The following PACC1 variants were observed in gnomAD, a reference collection of about 807,000 sequenced individuals.
PACC1 encodes proton activated chloride channel 1.
Under a neutral mutation model 39.7 loss-of-function variants are expected in PACC1, and 34 were observed. The ratio of observed to expected loss-of-function variants is 0.86; its 90% CI spans 0.65 to 1.14. The LOEUF (loss-of-function observed/expected upper bound fraction) is 1.14. Among genes scored for constraint, PACC1 ranks in the 50% most tolerant of loss-of-function variants. PACC1 has a pLI of 0.00. For missense variants in PACC1, 379 were observed against 436.4 expected (o/e 0.87, Z 1.17); for synonymous variants, 127 against 160.6 (o/e 0.79, Z 1.58).
At chr1:212,370,586 A>G (rs1316779763) in intron 7 of PACC1, among the ~76,000 whole-genome samples, 1 of 152,282 alleles carries the variant, frequency 6.6e-6, no homozygotes, top group Non-Finnish European at 1.5e-5. Context: ...AATTAAAATC[A>G]TATTAAGTAT....
intron 4 of PACC1, among the ~76,000 whole-genome samples, chr1:212,382,623 G>A (rs374087820): frequency 2.0e-5 from 3 of 152,178 alleles, no homozygotes; most frequent in Non-Finnish European, 4.4e-5. Context: ...GATTAGATGC[G>A]AACAGCCAGA....
At chr1:212,366,299 A>C (rs940121838) in intron 7 of PACC1, among the ~76,000 whole-genome samples, 1 of 126,742 alleles carries the variant, frequency 7.9e-6, no homozygotes, top group Non-Finnish European at 1.6e-5. Flanking sequence ...TGGTAAGAAT[A>C]CTTTTTTTTT....
chr1:212,407,040 G>A (rs746656026), intron 2 of PACC1, among the ~76,000 whole-genome samples: 4 of 152,222 alleles, frequency 2.6e-5, no homozygotes, highest in Non-Finnish European at 5.9e-5. Flanking sequence ...TTAATCCTTA[G>A]AACCTGTGAA....
At chr1:212,403,863 ATCT>A (rs1661807126) in intron 2 of PACC1, among the ~76,000 whole-genome samples, 1 of 151,262 alleles carries the variant, frequency 6.6e-6, no homozygotes, top group South Asian at 2.1e-4. Flanking sequence ...ACACCTGGCC[ATCT>A]TCTTTTCTAA....
chr1:212,380,157 AC>A, intron 4 of PACC1, 120 bp from the exon 5 acceptor site: 4 of 1,040,562 alleles, frequency 3.8e-6, no homozygotes, highest in Non-Finnish European at 5.5e-6. Context: ...CTCCAAAGGG[AC>A]CACTAGCCAA....
intron 2 of PACC1, among the ~76,000 whole-genome samples, chr1:212,393,647 A>G (rs1366717979): frequency 1.3e-5 from 2 of 152,208 alleles, no homozygotes; most frequent in African/African-American, 4.8e-5. Context: ...TGAATCCAGG[A>G]GCTGGTTTTT....
At chr1:212,407,446 T>C (rs188618587) in intron 2 of PACC1, among the ~76,000 whole-genome samples, 12 of 152,316 alleles carry the variant, frequency 7.9e-5, no homozygotes, top group Admixed American at 5.2e-4. Context: ...TAAATTTGTG[T>C]TTTTTTAGGC....
In PACC1 at chr1:212,414,721, C is replaced by CCTCCTGGTAGGATGTGGAGCG. The variant is rs1440817817; in HGVS notation, c.16_36dup (p.Arg6_Glu12dup). The CCTCCTGGTAGGATGTGGAGCG allele has an allele frequency of 3.1e-6, 5 of 1,613,490 alleles. No individual in the cohort carries two copies. In the African/African-American group the frequency reaches 6.7e-5, roughly 22 times the overall value. On this transcript the variant is annotated inframe_insertion and splice_region_variant. Coordinates refer to ENST00000261455, the MANE Select transcript of PACC1 (RefSeq NM_018252.3). ...CCCTTCCGTCTCTCACAACCTCGTA[C>CCTCCTGGTAGGATGTGGAGCG]CTCCTGGTAGGATGTGGAGCGCTCC...
chr1:212,366,445 C>T (rs556635553), intron 7 of PACC1, among the ~76,000 whole-genome samples: 1 of 151,886 alleles, frequency 6.6e-6, no homozygotes, highest in African/African-American at 2.4e-5. Context: ...AGACTACAGG[C>T]ACATGCCACC....
In PACC1 at chr1:212,364,951, A is replaced by G; in HGVS notation, c.*264T>C. 4.4e-6 allele frequency: 1 copy of G among 225,584 alleles called. No homozygotes were observed. The allele number at this position is 225,584 out of a possible 1,614,324, so 14.0% of individuals were successfully genotyped here. A position where few individuals can be genotyped will look rare whatever the true frequency, so the allele number is the denominator to read the frequency against. ...AGGCATCTTCTACAAACCCTATTCA[A>G]AAGTCATTGGCCAGCTCTTTAAAAA... On this transcript the variant is annotated 3_prime_UTR_variant, in exon 8 of 8. Coordinates refer to ENST00000261455, the MANE Select transcript of PACC1 (RefSeq NM_018252.3).
At chr1:212,391,604 T>A (rs1661322077) in intron 2 of PACC1, among the ~76,000 whole-genome samples, 1 of 152,358 alleles carries the variant, frequency 6.6e-6, no homozygotes, top group African/African-American at 2.4e-5. Context: ...ATGACTTTGA[T>A]GTGTTGAGAG....
Position 212,365,487 on chromosome 1 carries a change from G to A in PACC1, c.892-111C>T, listed in dbSNP as rs527819365. On this transcript the variant is annotated intron_variant, in intron 7 of 7. Transcript: ENST00000261455. The stretch of plus-strand genomic sequence containing the variant: ...GCTCTTGTCACCCAGGCTTGTGTGC[G>A]TGGCGCAATCTCGGCTCAGTGCAAG... 391 of 1,183,968 alleles carry A rather than the reference G, an allele frequency of 3.3e-4. 1 individual carries two copies. The highest frequency in any genetic ancestry group is 4.2e-4 in the Non-Finnish European group (364 of 870,538). The allele number at this position is 1,183,968 out of a possible 1,614,324, so 73.3% of individuals were successfully genotyped here. A position where few individuals can be genotyped will look rare whatever the true frequency, so the allele number is the denominator to read the frequency against.
chr1:212,366,904 G>A (rs1660266022), intron 7 of PACC1, among the ~76,000 whole-genome samples: 2 of 152,144 alleles, frequency 1.3e-5, no homozygotes, highest in Admixed American at 1.3e-4. Flanking sequence ...TCCCCACCTG[G>A]GGGTGGAAGC....
intron 3 of PACC1, among the ~76,000 whole-genome samples, chr1:212,385,806 C>T (rs1661080873): frequency 6.6e-6 from 1 of 152,146 alleles, no homozygotes; most frequent in African/African-American, 2.4e-5. Flanking sequence ...AACTGTGGAA[C>T]TCCTCAGAAC....
At chr1:212,375,370 G>GGA in intron 6 of PACC1, 70 bp from the exon 7 acceptor site, 1 of 1,112,764 alleles carries the variant, frequency 9.0e-7, no homozygotes, top group Non-Finnish European at 1.4e-6. Flanking sequence ...CCCAGCGAAA[G>GGA]GAGAGAGAGT....
intron 7 of PACC1, among the ~76,000 whole-genome samples, chr1:212,370,973 C>T (rs1362259922): frequency 2.6e-5 from 4 of 152,002 alleles, no homozygotes; most frequent in South Asian, 2.1e-4. Flanking sequence ...TGAGGCCGGG[C>T]GCAGTGGCTC....
At chr1:212,392,957 A>C (rs1296623129) in intron 2 of PACC1, among the ~76,000 whole-genome samples, 1 of 152,012 alleles carries the variant, frequency 6.6e-6, no homozygotes, top group Non-Finnish European at 1.5e-5. Context: ...TGACCTACAA[A>C]GAGACTTAGA....
chr1:212,388,967 CAG>C, intron 2 of PACC1, among the ~76,000 whole-genome samples: 1 of 152,254 alleles, frequency 6.6e-6, no homozygotes, highest in African/African-American at 2.4e-5. Flanking sequence ...CCAACAGTGA[CAG>C]AGTAGCAGTG....
intron 6 of PACC1, among the ~76,000 whole-genome samples, chr1:212,376,012 A>G (rs1257992454): frequency 2.3e-4 from 35 of 152,222 alleles, no homozygotes; most frequent in Admixed American, 2.3e-3. Context: ...TGAATTTTCA[A>G]CGCTTGTTTC....
Sources: gnomAD v4.1 joint callset for allele counts (sites outside exome capture counted in the v4.1 genomes callset) on GRCh38, gnomAD v4.1.1 for gene constraint, MANE v1.5 for transcripts, NCBI Gene and HGNC (gene_info 2026-07-23, HGNC 2026-07-21) for gene names.